SNX25: variants seen among roughly 807,000 people sequenced by gnomAD.
The protein encoded by SNX25 is sorting nexin 25.
Under a neutral mutation model 113.7 loss-of-function variants are expected in SNX25, and 62 were observed. The observed-to-expected ratio is 0.55, with a 90% CI of 0.44 to 0.67. SNX25 has a LOEUF of 0.67. Among genes scored for constraint, SNX25 ranks in the 30% least tolerant of loss-of-function variants. The probability of loss-of-function intolerance (pLI) is 0.00; values close to 1 mark genes in which losing one functional copy is unlikely to be tolerated. For missense variants in SNX25, 1,014 were observed against 1,161.0 expected, an observed-to-expected ratio of 0.87 and a Z score of 1.84; for synonymous variants, 421 against 436.2, an observed-to-expected ratio of 0.97 and a Z score of 0.43.
intron 5 of SNX25, among the ~76,000 whole-genome samples, chr4:185,281,100 T>C (rs1292574944): frequency 6.6e-6 from 1 of 152,124 alleles, no homozygotes; most frequent in Non-Finnish European, 1.5e-5. Flanking sequence ...TGCTACACTG[T>C]CTCTTGCTCT....
At position 185,346,631 on chromosome 4, in the gene SNX25, A is replaced by G; in HGVS notation, c.2282A>G (p.Gln761Arg). 6.3e-7 allele frequency: 1 copy of G among 1,581,140 alleles called. No homozygotes were observed. Among genetic ancestry groups the G allele is most frequent in the South Asian group, 1.2e-5 (1 of 83,452 alleles). Residue 761 changes from glutamine to arginine, a missense_variant, in exon 13 of 19, where the codon CAA (glutamine) becomes CGA (arginine). Transcript: ENST00000652585. Reference protein sequence around the residue: ...DQKFMEKSKNQLNKFLQNLLS... With the variant: ...DQKFMEKSKNRLNKFLQNLLS... Reference sequence around the variant, plus strand: ...AAGTTTATGGAAAAGTCGAAGAATCAATTAAATAAGTTTTTACAGGTAAGC... The same window carrying G: ...AAGTTTATGGAAAAGTCGAAGAATCGATTAAATAAGTTTTTACAGGTAAGC...
chr4:185,275,092 A>C (rs543145514), intron 5 of SNX25, among the ~76,000 whole-genome samples: 2 of 152,332 alleles, frequency 1.3e-5, no homozygotes, highest in East Asian at 3.9e-4. Context: ...GTTGACAGCT[A>C]TTATTAGGAC....
rs374558716 is a variant in SNX25, at chr4:185,277,978, C to A, written c.1092-10034C>A. ...CGATCTCCTGACCTCGTGATCCGCC[C>A]GCCTCGGCCTCCCAAAGTGCTGGGA... On this transcript the variant is annotated intron_variant, in intron 5 of 18. Transcript: ENST00000652585. Among the ~76,000 whole-genome samples, 2 of 45,234 alleles carry A rather than the reference C, an allele frequency of 4.4e-5. 1 individual carries two copies. The highest frequency in any genetic ancestry group is 9.9e-5 in the Non-Finnish European group (2 of 20,246). The allele number at this position is 45,234 out of a possible 152,430, so 29.7% of individuals were successfully genotyped here.
intron 1 of SNX25, among the ~76,000 whole-genome samples, chr4:185,239,355 C>T (rs977881230): frequency 2.8e-4 from 43 of 152,118 alleles, no homozygotes; most frequent in East Asian, 1.4e-3. Context: ...TGGTGGTGGG[C>T]ACCTGTAGTC....
chr4:185,346,791 T>C, intron 13 of SNX25, 141 bp downstream of exon 13: 1 of 593,016 alleles, frequency 1.7e-6, no homozygotes, highest in Non-Finnish European at 2.9e-6. Context: ...GGGTGTTTTT[T>C]TTAATTAAAG....
chr4:185,343,805 G>A (rs556907836), intron 12 of SNX25, among the ~76,000 whole-genome samples: 1 of 152,266 alleles, frequency 6.6e-6, no homozygotes, highest in Non-Finnish European at 1.5e-5. Flanking sequence ...GGGTCCAGCT[G>A]CTTGCTGCTT....
chr4:185,243,635 C>T (rs1744407095), intron 1 of SNX25, among the ~76,000 whole-genome samples: 1 of 152,018 alleles, frequency 6.6e-6, no homozygotes. Context: ...AAACTCTATA[C>T]CCATTAAACA....
At position 185,209,659 on chromosome 4, in the gene SNX25, G is replaced by A. The variant is rs1383511233; in HGVS notation, c.-168G>A. ...CCCGGCAGCTACGGGCCCAGCGCCT[G>A]GTGGCGGCGCTGAGGGGTCGCCGAG... On this transcript the variant is annotated 5_prime_UTR_variant, in exon 1 of 19. Coordinates refer to ENST00000652585, the MANE Select transcript of SNX25 (RefSeq NM_001378034.2). The surrounding 1 kb of genome is among the most constrained non-coding windows in gnomAD (Gnocchi z 5.2). Among the ~76,000 whole-genome samples the A allele has an allele frequency of 6.6e-6, 1 of 151,478 alleles. No homozygotes were observed. Among genetic ancestry groups the A allele is most frequent in the African/African-American group, 2.4e-5 (1 of 41,360 alleles).
At chr4:185,287,456 C>G (rs1199779720) in intron 5 of SNX25, among the ~76,000 whole-genome samples, 1 of 152,168 alleles carries the variant, frequency 6.6e-6, no homozygotes, top group Non-Finnish European at 1.5e-5. Flanking sequence ...GGGGAGAGGG[C>G]AGTTCTGAGA....
Position 185,363,952 on chromosome 4 carries a change from A to C in SNX25, c.*487A>C. On this transcript the variant is annotated 3_prime_UTR_variant, in exon 19 of 19. Transcript: ENST00000652585. The surrounding 1 kb of genome is among the most constrained non-coding windows in gnomAD (Gnocchi z 4.2). ...CATAGTTTGAGCATTCAAAGCAATA[A>C]AATATAAAAATGAATCACAGTGCTC... The C allele has an allele frequency of 6.5e-6, 1 of 153,846 alleles. No individual in the cohort carries two copies. The highest frequency in any genetic ancestry group is 1.9e-4 in the East Asian group (1 of 5,214). The allele number at this position is 153,846 out of a possible 1,614,324, so 9.5% of individuals were successfully genotyped here.
At position 185,219,212 on chromosome 4, in the gene SNX25, C is replaced by T. The variant is rs182877528; in HGVS notation, c.429+8957C>T. Among the ~76,000 whole-genome samples, 24 of 152,246 alleles carry T rather than the reference C, an allele frequency of 1.6e-4. No homozygotes were observed. The East Asian group carries it at 4.4e-3, about 28-fold the overall frequency. ...TATCTAAGCCAAGGCCACATGTATGCTTTATAGAAGCTGGCAGGCTAGCCC... is the reference window on the plus strand; with the variant it reads ...TATCTAAGCCAAGGCCACATGTATGTTTTATAGAAGCTGGCAGGCTAGCCC... On this transcript the variant is annotated intron_variant, in intron 1 of 18. Transcript: ENST00000652585.
intron 1 of SNX25, among the ~76,000 whole-genome samples, chr4:185,220,906 T>G (rs10222750): frequency 6.6e-6 from 1 of 152,122 alleles, no homozygotes; most frequent in Non-Finnish European, 1.5e-5. Context: ...CTCTGTTGCC[T>G]AGGCTGAAGT....
intron 8 of SNX25, among the ~76,000 whole-genome samples, chr4:185,322,422 T>G (rs1271629619): frequency 6.6e-6 from 1 of 152,116 alleles, no homozygotes; most frequent in African/African-American, 2.4e-5. Flanking sequence ...ACAGCAAGAT[T>G]TGGTCTTGGG....
chr4:185,223,642 G>A lies in SNX25; in HGVS notation c.429+13387G>A, dbSNP rs879399174. On this transcript the variant is annotated intron_variant, in intron 1 of 18. Coordinates refer to ENST00000652585, the MANE Select transcript of SNX25 (RefSeq NM_001378034.2). ...AAAAAATACAAAAAATTAGCCGGGC[G>A]TGGTGGCGGGCACCTGTAGTCCCAG... Among the ~76,000 whole-genome samples the A allele has an allele frequency of 1.8e-4, 27 of 152,020 alleles. 1 individual carries two copies. Among genetic ancestry groups the A allele is most frequent in the African/African-American group, 5.8e-4 (24 of 41,374 alleles).
chr4:185,219,886 T>C (rs2126336206), intron 1 of SNX25, among the ~76,000 whole-genome samples: 1 of 152,174 alleles, frequency 6.6e-6, no homozygotes, highest in South Asian at 2.1e-4. Context: ...CCATGTGTTT[T>C]TCCTGAAGCA....
intron 5 of SNX25, 67 bp from the exon 6 acceptor site, chr4:185,287,944 TA>T (rs1425526421): frequency 7.7e-7 from 1 of 1,298,300 alleles, no homozygotes; most frequent in Non-Finnish European, 1.1e-6. Flanking sequence ...AAATACAGTC[TA>T]AAGTTATTTC....
At chr4:185,375,033 C>T (rs75891450), downstream of SNX25, among the ~76,000 whole-genome samples, 912 of 152,112 alleles carry the variant, frequency 6.0e-3, 10 homozygotes, top group African/African-American at 0.021. Context: ...CAGATCTGTA[C>T]CCTCCACCCC....
chr4:185,305,846 C>A (rs1754390095), intron 6 of SNX25, among the ~76,000 whole-genome samples: 1 of 152,108 alleles, frequency 6.6e-6, no homozygotes, highest in Non-Finnish European at 1.5e-5. Flanking sequence ...CGAAAGTAAT[C>A]ACTTTTTTTG....
chr4:185,310,558 A>G (rs550278217), intron 6 of SNX25, 77 bp from the exon 7 acceptor site: 1 of 1,362,730 alleles, frequency 7.3e-7, no homozygotes, highest in East Asian at 2.3e-5. Context: ...CACAGCAGAC[A>G]CTGATCTGGT....
Sources: allele counts gnomAD v4.1 joint callset (sites outside exome capture counted in the v4.1 genomes callset), GRCh38; gene constraint gnomAD v4.1.1; non-coding constraint Gnocchi (gnomAD v3.1); transcripts MANE v1.5; gene names NCBI Gene and HGNC (gene_info 2026-07-23, HGNC 2026-07-21).